The following LRRC7 variants were observed in gnomAD, a reference collection of about 807,000 sequenced individuals.
The protein encoded by LRRC7 is leucine-rich repeat-containing protein 7.
A neutral mutation model predicts 175.7 loss-of-function variants in LRRC7; 23 were observed. The ratio of observed to expected loss-of-function variants is 0.13; its 90% CI spans 0.09 to 0.19. LRRC7 has a LOEUF of 0.19. LRRC7 is among the 10% of genes least tolerant of loss of function. The pLI is 1.00. For missense variants in LRRC7, 1,354 were observed against 1,904.7 expected, an observed-to-expected ratio of 0.71 and a Z score of 5.38; for synonymous variants, 685 against 680.9, an observed-to-expected ratio of 1.01 and a Z score of -0.09.
intron 3 of LRRC7, among the ~76,000 whole-genome samples, chr1:69,788,947 C>A (rs56771124): frequency 0.016 from 2,439 of 152,146 alleles, 53 homozygotes; most frequent in African/African-American, 0.057. Context: ...TAGTTGTTTC[C>A]CCGCACTTAG....
At chr1:69,956,340 C>T (rs958370716) in intron 8 of LRRC7, among the ~76,000 whole-genome samples, 1 of 151,852 alleles carries the variant, frequency 6.6e-6, no homozygotes, top group African/African-American at 2.4e-5. Context: ...CACACCCACA[C>T]TCATATATCC....
At chr1:70,020,075 T>C (rs1657324467) in intron 15 of LRRC7, among the ~76,000 whole-genome samples, 1 of 152,004 alleles carries the variant, frequency 6.6e-6, no homozygotes, top group Admixed American at 6.6e-5. Flanking sequence ...GTTTTTGTTT[T>C]TTTCTTTGAG....
chr1:69,584,153 C>T (rs1359382575), intron 1 of LRRC7, among the ~76,000 whole-genome samples: 1 of 152,070 alleles, frequency 6.6e-6, no homozygotes, highest in African/African-American at 2.4e-5. Context: ...TGAAAGTGAA[C>T]TCCAGGCTGA....
Position 69,910,553 on chromosome 1 carries a change from C to T in LRRC7, c.648-20954C>T, listed in dbSNP as rs1374337336. ...CCACAAATTCTGCTGCCTGATTGTT[C>T]CTCTGGAAGTTTTGTCTCAGAGGAG... is the stretch of plus-strand genomic sequence containing the variant. On this transcript the variant is annotated intron_variant, in intron 7 of 26. Coordinates refer to ENST00000651989, the MANE Select transcript of LRRC7 (RefSeq NM_001370785.2). 2.6e-5 allele frequency among the ~76,000 whole-genome samples: 4 copies of T among 152,138 alleles called. No individual in the cohort carries two copies. In the East Asian group the frequency reaches 7.7e-4, roughly 29 times the overall value.
intron 1 of LRRC7, among the ~76,000 whole-genome samples, chr1:69,589,359 A>G (rs1299522420): frequency 6.6e-6 from 1 of 151,688 alleles, no homozygotes; most frequent in Non-Finnish European, 1.5e-5. Context: ...TCTTATCTGA[A>G]CTCTCCATCC....
At chr1:69,582,514 C>T (rs1341410986) in intron 1 of LRRC7, among the ~76,000 whole-genome samples, 1 of 152,166 alleles carries the variant, frequency 6.6e-6, no homozygotes, top group African/African-American at 2.4e-5. Flanking sequence ...TCACACATAG[C>T]ATATTTTAGG....
At chr1:69,909,501 A>G (rs928084877) in intron 7 of LRRC7, among the ~76,000 whole-genome samples, 14 of 152,078 alleles carry the variant, frequency 9.2e-5, no homozygotes, top group African/African-American at 3.1e-4. Context: ...GCTTGTCTGT[A>G]AAGTATTTTT....
rs189585265 is a variant in LRRC7 at position 70,019,509 on chromosome 1, T to C, written c.1420+691T>C. ...TTCTATAGTTATGGAGTAACAATAA[T>C]TCTTGGAAGAGTAAACTTATTTTAA... On this transcript the variant is annotated intron_variant, in intron 15 of 26. Coordinates refer to ENST00000651989, the MANE Select transcript of LRRC7 (RefSeq NM_001370785.2). Among the ~76,000 whole-genome samples the C allele has an allele frequency of 1.2e-4, 18 of 152,144 alleles. No homozygotes were observed. The East Asian group carries it at 1.9e-3, about 16-fold the overall frequency.
chr1:70,015,348 T>G (rs951413445), intron 13 of LRRC7, among the ~76,000 whole-genome samples: 7 of 152,258 alleles, frequency 4.6e-5, no homozygotes, highest in African/African-American at 1.7e-4. Flanking sequence ...GTTTAACTGC[T>G]TTCGCTCATA....
intron 8 of LRRC7, among the ~76,000 whole-genome samples, chr1:69,937,746 A>G (rs1341321243): frequency 2.6e-5 from 4 of 152,046 alleles, no homozygotes; most frequent in African/African-American, 4.8e-5. Flanking sequence ...ATATAAAATC[A>G]TAAGTGCTTA....
chr1:69,937,898 T>G (rs1648215087), intron 8 of LRRC7, among the ~76,000 whole-genome samples: 1 of 152,000 alleles, frequency 6.6e-6, no homozygotes, highest in African/African-American at 2.4e-5. Context: ...TATACGGTAT[T>G]AATTTCCTCA....
intron 2 of LRRC7, among the ~76,000 whole-genome samples, chr1:69,707,254 A>G (rs909717910): frequency 3.9e-5 from 6 of 152,150 alleles, no homozygotes; most frequent in Non-Finnish European, 5.9e-5. Flanking sequence ...CTTGTGTTCA[A>G]TGCAGCCTGT....
intron 17 of LRRC7, among the ~76,000 whole-genome samples, chr1:70,026,301 C>G (rs1658092480): frequency 1.3e-5 from 2 of 151,912 alleles, no homozygotes; most frequent in Admixed American, 1.3e-4. Context: ...ATAAAATGTT[C>G]TTAATTGGCA....
chr1:69,629,556 AAC>A (rs1167879219), intron 1 of LRRC7, among the ~76,000 whole-genome samples: 1 of 152,040 alleles, frequency 6.6e-6, no homozygotes, highest in East Asian at 1.9e-4. Flanking sequence ...CTATTATTCA[AAC>A]ACACAGAGAT....
intron 4 of LRRC7, among the ~76,000 whole-genome samples, chr1:69,794,488 G>A (rs1015744309): frequency 2.6e-5 from 4 of 152,168 alleles, no homozygotes; most frequent in African/African-American, 9.7e-5. Flanking sequence ...CATGCTTTGA[G>A]AATAGATTTA....
At chr1:69,606,010 T>C (rs552104210) in intron 1 of LRRC7, among the ~76,000 whole-genome samples, 6 of 152,162 alleles carry the variant, frequency 3.9e-5, no homozygotes, top group Non-Finnish European at 8.8e-5. Flanking sequence ...TTTCAAGTAA[T>C]TGTGTTGTTC....
intron 25 of LRRC7, among the ~76,000 whole-genome samples, chr1:70,104,074 T>C (rs1664984171): frequency 6.6e-6 from 1 of 152,210 alleles, no homozygotes; most frequent in African/African-American, 2.4e-5. Context: ...ATGCCATTAT[T>C]TGTATATTTG....
chr1:69,874,533 T>G (rs180744992), intron 7 of LRRC7: 6 of 152,220 alleles, frequency 3.9e-5, no homozygotes, highest in African/African-American at 1.4e-4. Context: ...AATTCAAAGG[T>G]TCTTTTTATA....
At position 70,143,367 on chromosome 1, in the gene LRRC7, T is replaced by C. The variant is rs1039276622; in HGVS notation, c.*21480T>C. On this transcript the variant is annotated 3_prime_UTR_variant, in exon 27 of 27. Coordinates refer to ENST00000651989, the MANE Select transcript of LRRC7 (RefSeq NM_001370785.2). The stretch of plus-strand genomic sequence containing the variant: ...TATCAAGTCGTTTTCAAATTTACAA[T>C]ATTCGACTGGTAAAGAAAGTGCTTC... 1 of 152,080 alleles carries C rather than the reference T, an allele frequency of 6.6e-6. No individual in the cohort carries two copies. Among genetic ancestry groups the C allele is most frequent in the African/African-American group, 2.4e-5 (1 of 41,436 alleles). The allele number at this position is 152,080 out of a possible 1,614,324, so 9.4% of individuals were successfully genotyped here. A position where few individuals can be genotyped will look rare whatever the true frequency, so the allele number is the denominator to read the frequency against.
Sources: gnomAD v4.1 joint callset for allele counts (sites outside exome capture counted in the v4.1 genomes callset) on GRCh38, gnomAD v4.1.1 for gene constraint, MANE v1.5 for transcripts, NCBI Gene and HGNC (gene_info 2026-07-23, HGNC 2026-07-21) for gene names.